The following FMNL3 variants were observed in gnomAD, a reference collection of about 807,000 sequenced individuals.
The protein encoded by FMNL3 is formin like 3, also known as formin-like protein 3.
In FMNL3, 57 loss-of-function variants were observed where a neutral mutation model predicts 119.6. The observed-to-expected ratio is 0.48, with a 90% confidence interval of 0.39 to 0.59. The LOEUF is 0.59. FMNL3 is among the 20% of genes least tolerant of loss of function. FMNL3 has a pLI of 0.00. For missense variants in FMNL3, 1,053 were observed against 1,323.5 expected (o/e 0.80, Z 3.17); for synonymous variants, 491 against 507.3 (o/e 0.97, Z 0.43).
chr12:49,690,899 G>C (rs1324388702), intron 1 of FMNL3, among the ~76,000 whole-genome samples: 1 of 152,208 alleles, frequency 6.6e-6, no homozygotes, highest in East Asian at 1.9e-4. Context: ...ACAAGAATTA[G>C]CCAGGCGTGG....
intron 12 of FMNL3, 118 bp downstream of exon 12, chr12:49,653,607 T>G: frequency 1.4e-6 from 2 of 1,417,438 alleles, no homozygotes; most frequent in Non-Finnish European, 1.9e-6. Flanking sequence ...TTGAGAGCCC[T>G]GGTGGGTTCT....
Position 49,642,386 on chromosome 12 carries a change from C to G in FMNL3, c.*3429G>C. The G allele has an allele frequency of 6.2e-7, 1 of 1,612,946 alleles. No individual in the cohort carries two copies. Among genetic ancestry groups the G allele is most frequent in the Middle Eastern group, 1.7e-4 (1 of 5,870 alleles). On this transcript the variant is annotated 3_prime_UTR_variant, in exon 26 of 26. Coordinates refer to ENST00000335154, the MANE Select transcript of FMNL3 (RefSeq NM_175736.5). This position sits in a 1 kb window ranked among gnomAD's most constrained non-coding sequence, Gnocchi z 5.8. ...GCCTGGGAAGAGGTCAGGAGCGTAG[C>G]CTGGCCCCAAGCACCCCTCAAGCCT...
At chr12:49,687,770 T>TC (rs1222607513) in intron 1 of FMNL3, among the ~76,000 whole-genome samples, 1 of 152,196 alleles carries the variant, frequency 6.6e-6, no homozygotes, top group African/African-American at 2.4e-5. Context: ...AAACTCTGCT[T>TC]CCATCCTAGT....
intron 25 of FMNL3, chr12:49,646,590 G>T: frequency 7.2e-7 from 1 of 1,388,760 alleles, no homozygotes; most frequent in South Asian, 1.4e-5. Context: ...CTCCCAGCAG[G>T]AATCCTGGGA....
chr12:49,702,877 C>G (rs1008100602), intron 1 of FMNL3, among the ~76,000 whole-genome samples: 1 of 152,204 alleles, frequency 6.6e-6, no homozygotes, highest in Non-Finnish European at 1.5e-5. Flanking sequence ...GATTTGGAAC[C>G]TGATATTTAG....
rs761653945 is a variant in FMNL3, at chr12:49,642,710, C to T, written c.*3105G>A. The T allele has an allele frequency of 4.4e-6, 7 of 1,596,230 alleles. No individual in the cohort carries two copies. Among genetic ancestry groups the T allele is most frequent in the Non-Finnish European group, 6.0e-6 (7 of 1,169,702 alleles). The stretch of plus-strand genomic sequence containing the variant: ...GCTTGTCCTCTGGATCTGCCTCAGG[C>T]CCTTGAACTCATTAGACCAGTTCAA... On this transcript the variant is annotated 3_prime_UTR_variant, in exon 26 of 26. Transcript: ENST00000335154. The surrounding 1 kb of genome is among the most constrained non-coding windows in gnomAD (Gnocchi z 5.8).
At chr12:49,674,547 A>C (rs949917407) in intron 1 of FMNL3, among the ~76,000 whole-genome samples, 2 of 152,236 alleles carry the variant, frequency 1.3e-5, no homozygotes, top group Non-Finnish European at 2.9e-5. Flanking sequence ...TGTGAGTACA[A>C]GTCTAGCTAC....
chr12:49,706,407 G>A (rs1461944711), intron 1 of FMNL3, among the ~76,000 whole-genome samples: 1 of 152,228 alleles, frequency 6.6e-6, no homozygotes, highest in Admixed American at 6.5e-5. Context: ...AAATACCCCA[G>A]TGAAATGGTT....
chr12:49,702,645 C>T (rs1291678315), intron 1 of FMNL3, among the ~76,000 whole-genome samples: 1 of 152,100 alleles, frequency 6.6e-6, no homozygotes, highest in African/African-American at 2.4e-5. Flanking sequence ...CCCCACCACA[C>T]ACAGGCTTCC....
At chr12:49,664,359 C>T (rs374828031) in intron 4 of FMNL3, among the ~76,000 whole-genome samples, 77 of 152,262 alleles carry the variant, frequency 5.1e-4, no homozygotes, top group African/African-American at 1.8e-3. Context: ...GAGTCATGAT[C>T]ATGTCACTGT....
At chr12:49,653,144 A>G in intron 13 of FMNL3, 82 bp downstream of exon 13, 1 of 1,250,604 alleles carries the variant, frequency 8.0e-7, no homozygotes, top group Non-Finnish European at 1.2e-6. Context: ...AGAACTTGAT[A>G]TGACTCAGGG....
At chr12:49,666,350 A>C (rs1015398352) in intron 2 of FMNL3, 143 bp from the exon 3 acceptor site, 5 of 655,092 alleles carry the variant, frequency 7.6e-6, no homozygotes, top group Non-Finnish European at 1.3e-5. Flanking sequence ...ATATCACCTA[A>C]ACTTGAGGTT....
intron 1 of FMNL3, among the ~76,000 whole-genome samples, chr12:49,674,004 C>T (rs1393361107): frequency 6.6e-6 from 1 of 152,244 alleles, no homozygotes; most frequent in Non-Finnish European, 1.5e-5. Flanking sequence ...ACACTTTTCC[C>T]CAGCCTTGTG....
intron 1 of FMNL3, among the ~76,000 whole-genome samples, chr12:49,705,124 C>A (rs932202761): frequency 6.6e-6 from 1 of 152,156 alleles, no homozygotes; most frequent in African/African-American, 2.4e-5. Context: ...GGTGAAATCC[C>A]GTCTCCTGAG....
rs971033966 is a variant in FMNL3, at chr12:49,638,723, C to T, written c.*7092G>A. On this transcript the variant is annotated 3_prime_UTR_variant, in exon 26 of 26. Transcript: ENST00000335154. ...GAGGCAGACTGCCTACAGTAAAAGT[C>T]TAGCTTAACTGCTTGCTAGTTGTGT... The T allele has an allele frequency of 2.6e-5, 4 of 152,216 alleles. No homozygotes were observed. The highest frequency in any genetic ancestry group is 5.9e-5 in the Non-Finnish European group (4 of 68,032). 9.4% of individuals were successfully genotyped at this position (152,216 alleles called of 1,614,324 possible).
intron 1 of FMNL3, among the ~76,000 whole-genome samples, chr12:49,682,306 G>A (rs1051461382): frequency 1.3e-5 from 2 of 151,722 alleles, no homozygotes; most frequent in Admixed American, 6.6e-5. Flanking sequence ...TCCTGACCTC[G>A]TGATCCACCT....
intron 1 of FMNL3, among the ~76,000 whole-genome samples, chr12:49,684,864 G>C (rs1944418688): frequency 6.6e-6 from 1 of 152,198 alleles, no homozygotes. Context: ...ATTCTGCTGA[G>C]TGGCAAGTAA....
At chr12:49,702,119 C>G (rs191138058) in intron 1 of FMNL3, among the ~76,000 whole-genome samples, 19 of 151,954 alleles carry the variant, frequency 1.3e-4, no homozygotes, top group Admixed American at 1.2e-3. Flanking sequence ...ATGTGGGCAA[C>G]AAAGCAAGAC....
intron 2 of FMNL3, 25 bp downstream of exon 2, chr12:49,668,445 TC>T: frequency 6.2e-7 from 1 of 1,610,444 alleles, no homozygotes; most frequent in Non-Finnish European, 8.5e-7. Context: ...ACTCCCTACC[TC>T]CCTCCTCTTT....
Sources: gnomAD v4.1 joint callset for allele counts (sites outside exome capture counted in the v4.1 genomes callset) on GRCh38, gnomAD v4.1.1 for gene constraint, Gnocchi (gnomAD v3.1) non-coding constraint, MANE v1.5 for transcripts, NCBI Gene and HGNC (gene_info 2026-07-23, HGNC 2026-07-21) for gene names.